Variants in GOLM2 observed in about 807,000 individuals in gnomAD.
GOLM2 encodes the protein golgi membrane protein 2, also known as protein GOLM2.
A neutral mutation model predicts 55.9 loss-of-function variants in GOLM2; 26 were observed. That is an observed-to-expected ratio of 0.47 (90% CI 0.34 to 0.65). The LOEUF is 0.65. Ranked by LOEUF, GOLM2 falls within the 30% of genes least tolerant of loss-of-function variation. The pLI, the probability that GOLM2 is intolerant of heterozygous loss-of-function variation, is 0.01. For synonymous variants in GOLM2, 165 were observed against 194.6 expected (o/e 0.85, Z 1.27); for missense variants, 486 against 531.8 (o/e 0.91, Z 0.85).
chr15:44,345,619 T>C (rs1359882795), intron 6 of GOLM2, among the ~76,000 whole-genome samples: 1 of 152,156 alleles, frequency 6.6e-6, no homozygotes, highest in East Asian at 1.9e-4. Context: ...TTCTCTGTAT[T>C]ATACCTATAA....
chr15:44,315,836 G>A (rs933652408), intron 1 of GOLM2, among the ~76,000 whole-genome samples: 2 of 152,132 alleles, frequency 1.3e-5, no homozygotes, highest in Non-Finnish European at 2.9e-5. Flanking sequence ...AGGCAATGAC[G>A]GCGATAACAA....
At chr15:44,357,168 C>T (rs917089540) in intron 6 of GOLM2, among the ~76,000 whole-genome samples, 1 of 151,862 alleles carries the variant, frequency 6.6e-6, no homozygotes, top group South Asian at 2.1e-4. Flanking sequence ...TCCCCACCAC[C>T]ACCCGCCCCC....
At chr15:44,334,480 C>T (rs2079043357) in intron 4 of GOLM2, among the ~76,000 whole-genome samples, 1 of 152,130 alleles carries the variant, frequency 6.6e-6, no homozygotes, top group Non-Finnish European at 1.5e-5. Context: ...CAAACTATAG[C>T]CCGCAGGCTG....
chr15:44,366,303 A>AC (rs545733166), intron 6 of GOLM2, among the ~76,000 whole-genome samples: 2,425 of 151,510 alleles, frequency 0.016, 80 homozygotes, highest in East Asian at 0.095. Context: ...TCTCAAAAAA[A>AC]AAAAAAAAAA....
intron 9 of GOLM2, among the ~76,000 whole-genome samples, chr15:44,410,056 G>C (rs1169651238): frequency 1.3e-5 from 2 of 152,022 alleles, no homozygotes; most frequent in Non-Finnish European, 2.9e-5. Context: ...AGTCCTAAAA[G>C]ATGTGTTTAT....
intron 6 of GOLM2, among the ~76,000 whole-genome samples, chr15:44,342,464 G>A (rs1477199942): frequency 6.6e-6 from 1 of 151,906 alleles, no homozygotes; most frequent in Non-Finnish European, 1.5e-5. Flanking sequence ...ACAGGGTGTC[G>A]TTATGTTATC....
chr15:44,380,227 T>C (rs908741568), intron 7 of GOLM2, among the ~76,000 whole-genome samples: 13 of 152,152 alleles, frequency 8.5e-5, no homozygotes, highest in African/African-American at 2.7e-4. Flanking sequence ...TAGATATGAT[T>C]GAAGAGACCT....
At chr15:44,342,173 G>A (rs779417633) in intron 6 of GOLM2, among the ~76,000 whole-genome samples, 8 of 151,570 alleles carry the variant, frequency 5.3e-5, no homozygotes, top group African/African-American at 9.7e-5. Flanking sequence ...GATCGTTAAT[G>A]TAAAAAATGT....
intron 6 of GOLM2, among the ~76,000 whole-genome samples, chr15:44,351,235 T>G (rs983597183): frequency 6.6e-5 from 10 of 151,974 alleles, no homozygotes; most frequent in Admixed American, 1.3e-4. Flanking sequence ...CTTTAAGCAC[T>G]GCTATTTAAC....
At chr15:44,340,184 C>A (rs994577450) in intron 6 of GOLM2, among the ~76,000 whole-genome samples, 1 of 150,208 alleles carries the variant, frequency 6.7e-6, no homozygotes, top group East Asian at 2.0e-4. Context: ...ATCTCAAACT[C>A]CTGGGCTTAC....
chr15:44,381,910 C>A (rs1356307121), intron 8 of GOLM2, among the ~76,000 whole-genome samples: 1 of 152,194 alleles, frequency 6.6e-6, no homozygotes, highest in Non-Finnish European at 1.5e-5. Context: ...GCCTTAGCCT[C>A]ACAAAGTGCT....
Position 44,337,754 on chromosome 15 carries a change from G to C in GOLM2, c.577-9G>C. On this transcript the variant is annotated splice_polypyrimidine_tract_variant and intron_variant, in intron 4 of 9. Transcript: ENST00000299957. ...CTGAAAAATATTATTACCAAATTTT[G>C]TCTAACAGCAAGAGACCCAAAAGAT... 1.3e-6 allele frequency: 2 copies of C among 1,554,484 alleles called. No individual in the cohort carries two copies. The highest frequency in any genetic ancestry group is 1.7e-6 in the Non-Finnish European group (2 of 1,160,152).
At chr15:44,396,094 A>G (rs1432865932) in intron 8 of GOLM2, among the ~76,000 whole-genome samples, 9 of 151,944 alleles carry the variant, frequency 5.9e-5, no homozygotes, top group Admixed American at 5.2e-4. Context: ...GTGGCTCATG[A>G]CTGTAATCCC....
chr15:44,401,046 A>C (rs2079561780), intron 8 of GOLM2, among the ~76,000 whole-genome samples: 1 of 152,284 alleles, frequency 6.6e-6, no homozygotes, highest in African/African-American at 2.4e-5. Context: ...TTTCTTTCCA[A>C]GCAAAGGAAG....
intron 1 of GOLM2, among the ~76,000 whole-genome samples, chr15:44,299,569 T>G (rs2141108739): frequency 6.6e-6 from 1 of 152,148 alleles, no homozygotes; most frequent in South Asian, 2.1e-4. Flanking sequence ...ACTAGATAAC[T>G]ACTCTTATAT....
At chr15:44,366,591 G>C (rs541657086) in intron 6 of GOLM2, among the ~76,000 whole-genome samples, 45 of 152,246 alleles carry the variant, frequency 3.0e-4, no homozygotes, top group African/African-American at 1.1e-3. Flanking sequence ...CCATGATGAC[G>C]CCATTGCACT....
intron 2 of GOLM2, among the ~76,000 whole-genome samples, chr15:44,324,499 T>C (rs1193590584): frequency 6.6e-6 from 1 of 152,156 alleles, no homozygotes; most frequent in African/African-American, 2.4e-5. Flanking sequence ...TGATTTCTAC[T>C]GAAACAAACT....
chr15:44,307,434 T>G (rs138107329), intron 1 of GOLM2: 1,646 of 152,278 alleles, frequency 0.011, 18 homozygotes, highest in Non-Finnish European at 0.017. Context: ...GGATGGTCTC[T>G]ATCTCCTGAC....
intron 8 of GOLM2, among the ~76,000 whole-genome samples, chr15:44,398,733 C>T (rs1248674569): frequency 2.3e-5 from 3 of 133,224 alleles, no homozygotes; most frequent in Non-Finnish European, 4.6e-5. Context: ...ATAGAGCAAT[C>T]TCAGCTCACT....
Sources: gnomAD v4.1 joint callset for allele counts (sites outside exome capture counted in the v4.1 genomes callset) on GRCh38, gnomAD v4.1.1 for gene constraint, MANE v1.5 for transcripts, NCBI Gene and HGNC (gene_info 2026-07-23, HGNC 2026-07-21) for gene names.